HMGCLL1: variants seen among roughly 807,000 people sequenced by gnomAD.
The protein encoded by HMGCLL1 is 3-hydroxy-3-methylglutaryl-CoA lyase like 1.
In HMGCLL1, 36 loss-of-function variants were observed where a neutral mutation model predicts 39.1. That is an observed-to-expected ratio of 0.92 (90% CI 0.71 to 1.22). The LOEUF (loss-of-function observed/expected upper bound fraction) is 1.22, where lower values mean the gene tolerates loss of function less well. Ranked by LOEUF, HMGCLL1 falls within the 50% of genes most tolerant of loss-of-function variation. The pLI is 0.00. For missense variants in HMGCLL1, 451 were observed against 416.5 expected, an observed-to-expected ratio of 1.08 and a Z score of -0.72; for synonymous variants, 149 against 144.0, an observed-to-expected ratio of 1.03 and a Z score of -0.25.
At chr6:55,662,611 C>T in the HMGCLL1 span, among the ~76,000 whole-genome samples, 61,843 of 151,474 alleles carry the variant, frequency 0.41, 13,246 homozygotes, top group Middle Eastern at 0.56. Flanking sequence ...TTTTTTGCAT[C>T]GATGTTCATC....
chr6:55,517,943 C>A (rs1167374811), intron 3 of HMGCLL1, among the ~76,000 whole-genome samples: 1 of 152,048 alleles, frequency 6.6e-6, no homozygotes, highest in Non-Finnish European at 1.5e-5. Flanking sequence ...ACCAGGTGAT[C>A]TTTTCTCACT....
intron 7 of HMGCLL1, among the ~76,000 whole-genome samples, chr6:55,484,373 C>G (rs1039218474): frequency 6.6e-6 from 1 of 151,882 alleles, no homozygotes. Context: ...TCTCGGTGCC[C>G]CATTTATCAT....
chr6:55,501,608 A>G (rs1766896784), intron 5 of HMGCLL1, among the ~76,000 whole-genome samples: 2 of 151,890 alleles, frequency 1.3e-5, no homozygotes. Flanking sequence ...AATCTATTAC[A>G]GTGGTTCTCA....
intron 1 of HMGCLL1, among the ~76,000 whole-genome samples, chr6:55,565,336 G>T (rs1771162173): frequency 6.6e-6 from 1 of 152,002 alleles, no homozygotes; most frequent in African/African-American, 2.4e-5. Flanking sequence ...CTTCAGCAAA[G>T]TCACTGAAAT....
intron 1 of HMGCLL1, among the ~76,000 whole-genome samples, chr6:55,550,162 T>C (rs936492832): frequency 6.6e-6 from 1 of 151,906 alleles, no homozygotes; most frequent in East Asian, 1.9e-4. Flanking sequence ...TTGAGAAAAA[T>C]GTTACCATAT....
At chr6:55,475,480 G>A (rs762380583) in intron 7 of HMGCLL1, among the ~76,000 whole-genome samples, 16 of 151,492 alleles carry the variant, frequency 1.1e-4, no homozygotes, top group Non-Finnish European at 2.1e-4. Context: ...CCAGATTTCA[G>A]GGCAGAAGTT....
the HMGCLL1 span, among the ~76,000 whole-genome samples, chr6:55,589,810 A>T: frequency 3.3e-5 from 5 of 152,194 alleles, no homozygotes; most frequent in Admixed American, 2.0e-4. Context: ...CAATTGCTTC[A>T]AAGGGAATAA....
the HMGCLL1 span, among the ~76,000 whole-genome samples, chr6:55,588,809 A>C: frequency 6.6e-6 from 1 of 152,234 alleles, no homozygotes; most frequent in Non-Finnish European, 1.5e-5. Flanking sequence ...AATCTAGAAG[A>C]AATGGATAAA....
chr6:55,513,916 C>A (rs1313440957), intron 5 of HMGCLL1, 132 bp downstream of exon 5: 13 of 768,500 alleles, frequency 1.7e-5, no homozygotes, highest in Non-Finnish European at 2.3e-5. Flanking sequence ...AGTGATTACC[C>A]TGATTAAACA....
chr6:55,623,895 G>C, the HMGCLL1 span, among the ~76,000 whole-genome samples: 3 of 151,942 alleles, frequency 2.0e-5, no homozygotes, highest in Admixed American at 2.0e-4. Context: ...TGGCACTTGG[G>C]AAATGACAAC....
intron 1 of HMGCLL1, among the ~76,000 whole-genome samples, chr6:55,555,441 A>G (rs574984171): frequency 6.6e-6 from 1 of 152,344 alleles, no homozygotes; most frequent in South Asian, 2.1e-4. Flanking sequence ...AGCATGTTAT[A>G]TATGCATCTA....
the HMGCLL1 span, among the ~76,000 whole-genome samples, chr6:55,595,132 C>G: frequency 6.6e-6 from 1 of 152,010 alleles, no homozygotes; most frequent in Non-Finnish European, 1.5e-5. Flanking sequence ...AAGTATTTAC[C>G]AACTACCATG....
At chr6:55,566,751 C>A in intron 1 of HMGCLL1, 2 of 365,858 alleles carry the variant, frequency 5.5e-6, no homozygotes, top group Non-Finnish European at 5.6e-6. Context: ...ACAACAGTAG[C>A]CAAGAAAAGG....
intron 3 of HMGCLL1, among the ~76,000 whole-genome samples, chr6:55,528,966 C>A (rs192968559): frequency 6.6e-6 from 1 of 151,876 alleles, no homozygotes; most frequent in Non-Finnish European, 1.5e-5. Flanking sequence ...TAAAATAGAC[C>A]CAGGCTACCC....
At chr6:55,595,219 A>G in the HMGCLL1 span, among the ~76,000 whole-genome samples, 1 of 152,232 alleles carries the variant, frequency 6.6e-6, no homozygotes, top group African/African-American at 2.4e-5. Flanking sequence ...AAGACTATGT[A>G]CAGAGACAAC....
At chr6:55,605,411 A>G in the HMGCLL1 span, among the ~76,000 whole-genome samples, 3 of 139,836 alleles carry the variant, frequency 2.1e-5, no homozygotes, top group African/African-American at 8.7e-5. Context: ...AACTCAACCT[A>G]GAATGATATT....
At chr6:55,549,836 A>G (rs561892151) in intron 1 of HMGCLL1, among the ~76,000 whole-genome samples, 24 of 152,048 alleles carry the variant, frequency 1.6e-4, no homozygotes, top group African/African-American at 5.3e-4. Context: ...GTGATGTGCT[A>G]TGAGTTTTCA....
the HMGCLL1 span, among the ~76,000 whole-genome samples, chr6:55,611,507 A>G: frequency 6.6e-6 from 1 of 152,256 alleles, no homozygotes; most frequent in East Asian, 1.9e-4. Flanking sequence ...AAGAGACACA[A>G]CAAAAAAAGA....
the HMGCLL1 span, among the ~76,000 whole-genome samples, chr6:55,601,708 G>A: frequency 6.6e-6 from 1 of 151,806 alleles, no homozygotes; most frequent in African/African-American, 2.4e-5. Context: ...AAACATTTTT[G>A]ACTGAAAGGT....
Sources: allele counts gnomAD v4.1 joint callset (sites outside exome capture counted in the v4.1 genomes callset), GRCh38; gene constraint gnomAD v4.1.1; transcripts MANE v1.5; gene names NCBI Gene and HGNC (gene_info 2026-07-23, HGNC 2026-07-21).